Variants in GRID2 observed in about 807,000 individuals in gnomAD.
The protein encoded by GRID2 is glutamate receptor ionotropic, delta-2.
GRID2 carries 33 observed loss-of-function variants against 114.8 expected under a neutral mutation model. That is an observed-to-expected ratio of 0.29 (90% CI 0.22 to 0.38). The LOEUF is 0.38. Ranked by LOEUF, GRID2 falls within the 10% of genes least tolerant of loss-of-function variation. The probability of loss-of-function intolerance (pLI) is 1.00; values close to 1 mark genes in which losing one functional copy is unlikely to be tolerated. For missense variants in GRID2, 1,184 were observed against 1,257.7 expected, an observed-to-expected ratio of 0.94 and a Z score of 0.89; for synonymous variants, 505 against 449.9, an observed-to-expected ratio of 1.12 and a Z score of -1.55.
chr4:92,343,205 G>T (rs557478984), intron 1 of GRID2, among the ~76,000 whole-genome samples: 1 of 150,150 alleles, frequency 6.7e-6, no homozygotes, highest in Non-Finnish European at 1.5e-5. Flanking sequence ...TCTTCTCTGT[G>T]TGTTTTTTTG....
chr4:92,434,269 G>C (rs545652307), intron 1 of GRID2, among the ~76,000 whole-genome samples: 2 of 152,176 alleles, frequency 1.3e-5, no homozygotes, highest in South Asian at 4.1e-4. Flanking sequence ...CACAGCAAAA[G>C]ATGGTCCAGC....
intron 1 of GRID2, among the ~76,000 whole-genome samples, chr4:93,799,436 C>A (rs977471045): frequency 6.6e-6 from 1 of 151,428 alleles, no homozygotes; most frequent in South Asian, 2.1e-4. Flanking sequence ...GAACTGCAGC[C>A]CCTTTTTTTT....
chr4:92,390,919 G>C (rs2110259930), intron 1 of GRID2, among the ~76,000 whole-genome samples: 1 of 152,194 alleles, frequency 6.6e-6, no homozygotes, highest in South Asian at 2.1e-4. Context: ...CACCAAGCCT[G>C]GTACCCAGGA....
intron 14 of GRID2, among the ~76,000 whole-genome samples, chr4:93,632,760 A>G (rs1439424338): frequency 6.6e-6 from 1 of 152,150 alleles, no homozygotes; most frequent in African/African-American, 2.4e-5. Flanking sequence ...GAAGAAAGTC[A>G]TTGGTAGCTT....
intron 6 of GRID2, chr4:93,217,200 T>C (rs897874154): frequency 6.9e-5 from 14 of 201,556 alleles, no homozygotes; most frequent in Non-Finnish European, 1.3e-4. Flanking sequence ...GAATTTGTAA[T>C]TGGTACTCCT....
At chr4:93,546,526 T>C (rs1733232677) in intron 13 of GRID2, among the ~76,000 whole-genome samples, 1 of 152,164 alleles carries the variant, frequency 6.6e-6, no homozygotes, top group Non-Finnish European at 1.5e-5. Context: ...ATGCTGTTAG[T>C]ATGGTGTACT....
chr4:93,797,727 T>C (rs2218120), intron 1 of GRID2, among the ~76,000 whole-genome samples: 60,456 of 151,568 alleles, frequency 0.4, 12,398 homozygotes, highest in African/African-American at 0.48. Flanking sequence ...CTACTTTTCC[T>C]GTCTTTGGTA....
rs563404361 is a variant in GRID2, at chr4:93,285,724, A to C, written c.1245+47234A>C. On this transcript the variant is annotated intron_variant, in intron 8 of 15. Transcript: ENST00000282020. Reference sequence around the variant, plus strand: ...CAATATCATAATATTTCAAATGCTAAAATATGAATTAAAATTCTGTCTTTT... The same window carrying C: ...CAATATCATAATATTTCAAATGCTACAATATGAATTAAAATTCTGTCTTTT... Among the ~76,000 whole-genome samples the C allele has an allele frequency of 3.3e-5, 5 of 152,198 alleles. No individual in the cohort carries two copies. The East Asian group carries it at 9.6e-4, about 29-fold the overall frequency.
chr4:92,917,915 G>C (rs1483999358), intron 2 of GRID2, among the ~76,000 whole-genome samples: 1 of 152,108 alleles, frequency 6.6e-6, no homozygotes, highest in African/African-American at 2.4e-5. Flanking sequence ...AATGGGGATG[G>C]CATTGAAACT....
intron 4 of GRID2, among the ~76,000 whole-genome samples, chr4:93,179,733 C>T (rs543399993): frequency 6.6e-5 from 10 of 152,214 alleles, no homozygotes; most frequent in African/African-American, 1.4e-4. Flanking sequence ...TACATAATAA[C>T]GTAACCAAGG....
At chr4:93,741,175 A>G (rs1353018833) in intron 14 of GRID2, among the ~76,000 whole-genome samples, 2 of 15,628 alleles carry the variant, frequency 1.3e-4, no homozygotes, top group Admixed American at 9.2e-4. Context: ...ATATATATAC[A>G]TATATATATA....
chr4:93,732,625 G>A (rs1351687063), intron 14 of GRID2, among the ~76,000 whole-genome samples: 1 of 151,850 alleles, frequency 6.6e-6, no homozygotes, highest in Non-Finnish European at 1.5e-5. Context: ...GGTTAAAATG[G>A]CTGAGGCTCT....
chr4:93,549,450 A>C (rs1733555397), intron 13 of GRID2, among the ~76,000 whole-genome samples: 1 of 152,216 alleles, frequency 6.6e-6, no homozygotes. Context: ...AACAAGCTTA[A>C]ATATTTCAAA....
chr4:93,022,761 T>C (rs1410093454), intron 2 of GRID2, among the ~76,000 whole-genome samples: 1 of 152,004 alleles, frequency 6.6e-6, no homozygotes, highest in African/African-American at 2.4e-5. Context: ...TACTAAAGTA[T>C]TATGCTCATT....
intron 1 of GRID2, among the ~76,000 whole-genome samples, chr4:92,400,312 A>G (rs1278270716): frequency 1.3e-5 from 2 of 152,098 alleles, no homozygotes; most frequent in Non-Finnish European, 2.9e-5. Context: ...TCTTGTCTCT[A>G]TGCATTTGCT....
intron 2 of GRID2, among the ~76,000 whole-genome samples, chr4:92,920,186 T>C (rs1749191073): frequency 6.6e-6 from 1 of 152,200 alleles, no homozygotes; most frequent in Non-Finnish European, 1.5e-5. Flanking sequence ...CTTTTTTTGT[T>C]TTCCATTTGC....
chr4:93,676,807 C>G (rs1382619658), intron 14 of GRID2, among the ~76,000 whole-genome samples: 1 of 150,346 alleles, frequency 6.7e-6, no homozygotes, highest in Non-Finnish European at 1.5e-5. Context: ...CGCAAGATGG[C>G]TGAATAGGAA....
chr4:93,181,620 C>T (rs1739907086), intron 4 of GRID2, among the ~76,000 whole-genome samples: 1 of 152,172 alleles, frequency 6.6e-6, no homozygotes, highest in Non-Finnish European at 1.5e-5. Flanking sequence ...TTCTGGATAA[C>T]TTGCTGTAGC....
intron 1 of GRID2, among the ~76,000 whole-genome samples, chr4:92,567,358 A>G (rs1278614764): frequency 6.6e-6 from 1 of 151,704 alleles, no homozygotes; most frequent in Non-Finnish European, 1.5e-5. Flanking sequence ...CTTATTTTTG[A>G]GTTAGATACC....
Sources: gnomAD v4.1 joint callset for allele counts (sites outside exome capture counted in the v4.1 genomes callset) on GRCh38, gnomAD v4.1.1 for gene constraint, MANE v1.5 for transcripts, NCBI Gene and HGNC (gene_info 2026-07-23, HGNC 2026-07-21) for gene names.